Variants in STX18 observed in about 807,000 individuals in gnomAD.
STX18 encodes syntaxin 18, also known as syntaxin-18.
A neutral mutation model predicts 50.1 loss-of-function variants in STX18; 40 were observed. The observed-to-expected ratio is 0.80, with a 90% CI of 0.62 to 1.04. The LOEUF (loss-of-function observed/expected upper bound fraction) is 1.04, where lower values mean the gene tolerates loss of function less well. Ranked by LOEUF, STX18 falls within the 50% of genes least tolerant of loss-of-function variation. The probability of loss-of-function intolerance (pLI) is 0.00; values close to 1 mark genes in which losing one functional copy is unlikely to be tolerated. For synonymous variants in STX18, 158 were observed against 151.8 expected, an observed-to-expected ratio of 1.04 and a Z score of -0.30; for missense variants, 410 against 415.8, an observed-to-expected ratio of 0.99 and a Z score of 0.12.
At chr4:4,493,850 C>T (rs1729051960) in intron 1 of STX18, among the ~76,000 whole-genome samples, 1 of 152,158 alleles carries the variant, frequency 6.6e-6, no homozygotes, top group African/African-American at 2.4e-5. Flanking sequence ...TAACCTTATA[C>T]ATGCAAGAAA....
At chr4:4,424,118 C>T (rs768630028) in intron 8 of STX18, among the ~76,000 whole-genome samples, 1 of 152,010 alleles carries the variant, frequency 6.6e-6, no homozygotes, top group Non-Finnish European at 1.5e-5. Context: ...TAGAAAATGC[C>T]ATGTCTTGGT....
intron 1 of STX18, among the ~76,000 whole-genome samples, chr4:4,478,495 T>C (rs1049016473): frequency 6.6e-5 from 10 of 152,278 alleles, no homozygotes; most frequent in Admixed American, 6.5e-4. Flanking sequence ...GATTGTTCAT[T>C]CTCCCGTTTG....
intron 9 of STX18, among the ~76,000 whole-genome samples, chr4:4,421,593 T>A (rs1028549891): frequency 6.6e-6 from 1 of 152,118 alleles, no homozygotes; most frequent in Non-Finnish European, 1.5e-5. Flanking sequence ...CCGCCACACT[T>A]ACCATCCCTC....
chr4:4,441,418 A>G (rs1726101750), intron 5 of STX18, among the ~76,000 whole-genome samples: 1 of 152,256 alleles, frequency 6.6e-6, no homozygotes, highest in Non-Finnish European at 1.5e-5. Flanking sequence ...AAAACTGCTT[A>G]TAACAACAAC....
intron 1 of STX18, among the ~76,000 whole-genome samples, chr4:4,524,745 T>C (rs1170765360): frequency 6.6e-6 from 1 of 152,276 alleles, no homozygotes; most frequent in East Asian, 1.9e-4. Flanking sequence ...ACTAGACTTT[T>C]CAGTGATATA....
chr4:4,484,393 G>A (rs1368829773), intron 1 of STX18, among the ~76,000 whole-genome samples: 2 of 152,192 alleles, frequency 1.3e-5, no homozygotes, highest in East Asian at 3.8e-4. Context: ...ATGTCACTGA[G>A]TCGAGCTGAA....
In STX18 at chr4:4,459,553, G is replaced by A. The variant is rs545753718; in HGVS notation, c.237-66C>T. 245 of 1,223,780 alleles carry A rather than the reference G, an allele frequency of 2.0e-4. 2 individuals carry two copies. In the South Asian group the frequency reaches 2.8e-3, roughly 14 times the overall value. The allele number at this position is 1,223,780 out of a possible 1,614,324, so 75.8% of individuals were successfully genotyped here. A position where few individuals can be genotyped will look rare whatever the true frequency, so the allele number is the denominator to read the frequency against. Reference sequence around the variant, plus strand: ...AACATAATATAGTCTGAGTGGGATGGGAAGAGAAGAAAAGGCCTCCCTGAT... The same window carrying A: ...AACATAATATAGTCTGAGTGGGATGAGAAGAGAAGAAAAGGCCTCCCTGAT... On this transcript the variant is annotated intron_variant, in intron 2 of 10. Transcript: ENST00000306200.
intron 1 of STX18, among the ~76,000 whole-genome samples, chr4:4,479,282 G>A (rs1728346629): frequency 6.6e-6 from 1 of 152,128 alleles, no homozygotes; most frequent in Non-Finnish European, 1.5e-5. Context: ...TGTATAAATG[G>A]TTTGAAATAA....
Position 4,420,041 on chromosome 4 carries a change from T to G in STX18, c.1001A>C (p.Asp334Ala), listed in dbSNP as rs769802487. ...GGGCCCCCGTGGCCCTGGCTAGCTGTCGTACCAGTCGAGGAAGAGCAAGGA... is the reference window on the plus strand; with the variant it reads ...GGGCCCCCGTGGCCCTGGCTAGCTGGCGTACCAGTCGAGGAAGAGCAAGGA... Reference protein sequence around the residue: ...SFSLLFLDWYDS With the variant: ...SFSLLFLDWYAS The change falls in exon 11 of 11, where the codon GAC (aspartate) becomes GCC (alanine). Residue 334 changes from aspartate (D) to alanine (A), a missense_variant. Coordinates refer to ENST00000306200, the MANE Select transcript of STX18 (RefSeq NM_016930.4). The surrounding 1 kb of genome is among the most constrained non-coding windows in gnomAD (Gnocchi z 4.3). 1.9e-6 allele frequency: 3 copies of G among 1,611,810 alleles called. No homozygotes were observed. The highest frequency in any genetic ancestry group is 3.3e-5 in the Admixed American group (2 of 59,794).
chr4:4,436,993 CTT>C (rs1328528064), intron 6 of STX18, among the ~76,000 whole-genome samples: 3 of 121,968 alleles, frequency 2.5e-5, no homozygotes, highest in Non-Finnish European at 4.9e-5. Context: ...GAATTTCGCT[CTT>C]GTTGCCCAGG....
chr4:4,439,277 C>T (rs1432351879), intron 5 of STX18, among the ~76,000 whole-genome samples: 2 of 134,720 alleles, frequency 1.5e-5, no homozygotes, highest in Non-Finnish European at 3.1e-5. Context: ...CCCACATAAA[C>T]ACACACACAT....
chr4:4,475,493 C>CAA lies in STX18; in HGVS notation c.169-3789_169-3788dup, dbSNP rs757034693. On this transcript the variant is annotated intron_variant, in intron 1 of 10. Transcript: ENST00000306200. ...AAACAAAAAAAAAAACATGACAAATCAACAACAAAGAAAAAAGTTCAACAA... is the reference window on the plus strand; with the variant it reads ...AAACAAAAAAAAAAACATGACAAATCAAAACAACAAAGAAAAAAGTTCAACAA... Among the ~76,000 whole-genome samples, 300 of 150,640 alleles carry CAA rather than the reference C, an allele frequency of 2.0e-3. 4 individuals carry two copies. The highest frequency in any genetic ancestry group is 0.012 in the East Asian group (60 of 5,138).
chr4:4,438,036 C>T lies in STX18; in HGVS notation c.613+358G>A, dbSNP rs1409579182. On this transcript the variant is annotated intron_variant, in intron 6 of 10. Coordinates refer to ENST00000306200, the MANE Select transcript of STX18 (RefSeq NM_016930.4). ...TTATACACTCTACCCGGATGCAGGC[C>T]TGGCAGCTCAGAGCTGACATGCAGG... 1.3e-5 allele frequency among the ~76,000 whole-genome samples: 2 copies of T among 152,234 alleles called. 1 individual carries two copies. Among genetic ancestry groups the T allele is most frequent in the Admixed American group, 1.3e-4 (2 of 15,292 alleles).
intron 1 of STX18, among the ~76,000 whole-genome samples, chr4:4,518,116 T>G (rs1730364615): frequency 6.6e-6 from 1 of 152,242 alleles, no homozygotes; most frequent in South Asian, 2.1e-4. Flanking sequence ...TGATCTCGCA[T>G]GTGCTAAGGA....
At chr4:4,438,018 C>G (rs1225420591) in intron 6 of STX18, among the ~76,000 whole-genome samples, 2 of 152,248 alleles carry the variant, frequency 1.3e-5, no homozygotes, top group East Asian at 3.8e-4. Flanking sequence ...AGGTTATACA[C>G]TCTACCCGGA....
intron 1 of STX18, among the ~76,000 whole-genome samples, chr4:4,529,921 A>G (rs1731016393): frequency 6.6e-6 from 1 of 152,190 alleles, no homozygotes. Context: ...TCTCATATAG[A>G]TTAAGAAAGT....
chr4:4,523,052 T>C (rs1048544053), intron 1 of STX18, among the ~76,000 whole-genome samples: 2 of 152,226 alleles, frequency 1.3e-5, no homozygotes, highest in African/African-American at 2.4e-5. Flanking sequence ...AATTAGGTAC[T>C]ACTTTATTCC....
intron 1 of STX18, among the ~76,000 whole-genome samples, chr4:4,518,750 T>C (rs1378789335): frequency 6.6e-6 from 1 of 152,214 alleles, no homozygotes; most frequent in African/African-American, 2.4e-5. Flanking sequence ...GAATTTGATA[T>C]TATCTGCATC....
At position 4,420,936 on chromosome 4, in the gene STX18, C is replaced by G. The variant is rs367620099; in HGVS notation, c.840G>C (p.Glu280Asp). 1.2e-6 allele frequency: 2 copies of G among 1,614,162 alleles called. No individual in the cohort carries two copies. Among genetic ancestry groups the G allele is most frequent in the South Asian group, 2.2e-5 (2 of 91,082 alleles). ...CAACTAACTGGTGAATGCTGTCAAT[C>G]TCAGCTTCCTGTGGAAGAAAAGATA... ...FTEKVLQQEA[E>D]IDSIHQLVVG... The change falls in exon 10 of 11, where the codon GAG becomes GAC. Residue 280 changes from glutamate to aspartate, a missense_variant. Coordinates refer to ENST00000306200, the MANE Select transcript of STX18 (RefSeq NM_016930.4). This position sits in a 1 kb window ranked among gnomAD's most constrained non-coding sequence, Gnocchi z 4.3.
Sources: gnomAD v4.1 joint callset for allele counts (sites outside exome capture counted in the v4.1 genomes callset) on GRCh38, gnomAD v4.1.1 for gene constraint, Gnocchi (gnomAD v3.1) non-coding constraint, MANE v1.5 for transcripts, NCBI Gene and HGNC (gene_info 2026-07-23, HGNC 2026-07-21) for gene names.